MRRF: variants seen among roughly 807,000 people sequenced by gnomAD.
MRRF encodes the protein ribosome-recycling factor, mitochondrial.
In MRRF, 18 loss-of-function variants were observed where a neutral mutation model predicts 25.1. That is an observed-to-expected ratio of 0.72 (90% confidence interval 0.50 to 1.06). The LOEUF is 1.06. Among genes scored for constraint, MRRF ranks in the 50% least tolerant of loss-of-function variants. MRRF has a pLI of 0.00. For synonymous variants in MRRF, 113 were observed against 112.1 expected, an observed-to-expected ratio of 1.01 and a Z score of -0.05; for missense variants, 323 against 319.3, an observed-to-expected ratio of 1.01 and a Z score of -0.09.
At chr9:122,283,046 A>G (rs1347299229) in intron 3 of MRRF, among the ~76,000 whole-genome samples, 1 of 151,962 alleles carries the variant, frequency 6.6e-6, no homozygotes, top group Non-Finnish European at 1.5e-5. Flanking sequence ...CTTTTCCTAC[A>G]TTCTGTCATT....
chr9:122,287,868 A>C (rs1564486925), intron 4 of MRRF, among the ~76,000 whole-genome samples: 1 of 152,190 alleles, frequency 6.6e-6, no homozygotes. Flanking sequence ...TATATTAAAC[A>C]AATAGCTCTA....
intron 6 of MRRF, among the ~76,000 whole-genome samples, chr9:122,314,825 A>G (rs1835414438): frequency 6.6e-6 from 1 of 152,198 alleles, no homozygotes; most frequent in East Asian, 1.9e-4. Context: ...ACCTGTGGAA[A>G]GATGTGGAGA....
At chr9:122,277,750 C>T (rs1401605484) in intron 2 of MRRF, among the ~76,000 whole-genome samples, 2 of 152,134 alleles carry the variant, frequency 1.3e-5, no homozygotes, top group African/African-American at 2.4e-5. Context: ...TGGTGTTTTG[C>T]CTTGTTGGCT....
In MRRF at chr9:122,326,890, C is replaced by T. The variant is rs1020989151; in HGVS notation, c.*4273C>T. The T allele has an allele frequency of 6.6e-6, 1 of 152,198 alleles. No homozygotes were observed. Among genetic ancestry groups the T allele is most frequent in the African/African-American group, 2.4e-5 (1 of 41,454 alleles). The allele number at this position is 152,198 out of a possible 1,614,324, so 9.4% of individuals were successfully genotyped here. On this transcript the variant is annotated 3_prime_UTR_variant, in exon 7 of 7. Coordinates refer to ENST00000344641, the MANE Select transcript of MRRF (RefSeq NM_138777.5). ...AAAGGATATTTAACTTGCCCAAGGT[C>T]ACACAGGTAGTAAGTGCTAGAATGA...
At chr9:122,307,633 T>C (rs1205458121) in intron 5 of MRRF, among the ~76,000 whole-genome samples, 1 of 152,204 alleles carries the variant, frequency 6.6e-6, no homozygotes, top group Non-Finnish European at 1.5e-5. Flanking sequence ...CATTATTTCA[T>C]TTAATCCTCC....
intron 1 of MRRF, chr9:122,265,455 T>C: frequency 9.3e-6 from 3 of 321,488 alleles, no homozygotes; most frequent in Non-Finnish European, 1.8e-5. Flanking sequence ...TCATTTACGT[T>C]TTACAGATGA....
chr9:122,296,315 G>A (rs1448352252), intron 5 of MRRF, among the ~76,000 whole-genome samples: 1 of 152,084 alleles, frequency 6.6e-6, no homozygotes, highest in Admixed American at 6.5e-5. Context: ...TCCTGTTAAT[G>A]GAGATATACT....
rs780827149 is a variant in MRRF, at chr9:122,313,336, A to G, written c.661A>G (p.Lys221Glu). 1 of 1,614,194 alleles carries G rather than the reference A, an allele frequency of 6.2e-7. No individual in the cohort carries two copies. The highest frequency in any genetic ancestry group is 8.5e-7 in the Non-Finnish European group (1 of 1,179,982). ...CACCAACTCAATGAACAAGCTGAAGAAATCCAAGGATACAGTCTCAGAGGA... is the reference window on the plus strand; with the variant it reads ...CACCAACTCAATGAACAAGCTGAAGGAATCCAAGGATACAGTCTCAGAGGA... ...VRTNSMNKLK[K>E]SKDTVSEDTI... Residue 221 changes from lysine to glutamate, a missense_variant, in exon 6 of 7, where the codon AAA (lysine) becomes GAA (glutamate). Lys to Glu is a moderately conservative substitution (Grantham distance 56). Coordinates refer to ENST00000344641, the MANE Select transcript of MRRF (RefSeq NM_138777.5).
In MRRF at chr9:122,304,663, T is replaced by C. The variant is rs867718032; in HGVS notation, c.552-8564T>C. On this transcript the variant is annotated intron_variant, in intron 5 of 6. Coordinates refer to ENST00000344641, the MANE Select transcript of MRRF (RefSeq NM_138777.5). ...AGATCAGATCACTATTCCATTGCAT[T>C]CCTCCATAAATTCCCTCTCTTCTTT... Among the ~76,000 whole-genome samples the C allele has an allele frequency of 3.9e-5, 6 of 152,196 alleles. No homozygotes were observed. In the South Asian group the frequency reaches 1.0e-3, roughly 26 times the overall value.
chr9:122,308,699 CAAAAAAAAA>C (rs776774424), intron 5 of MRRF, among the ~76,000 whole-genome samples: 1 of 60,106 alleles, frequency 1.7e-5, no homozygotes, highest in Non-Finnish European at 3.3e-5. Flanking sequence ...ACTCCATCTC[CAAAAAAAAA>C]AAAAAAAAAA....
intron 6 of MRRF, among the ~76,000 whole-genome samples, chr9:122,313,600 G>C (rs1263004132): frequency 6.6e-6 from 1 of 152,170 alleles, no homozygotes; most frequent in Non-Finnish European, 1.5e-5. Context: ...CAGGTTTTGT[G>C]CTGAACACTT....
rs1398453495 is a variant in MRRF, at chr9:122,328,867, A to G, written c.*6250A>G. The G allele has an allele frequency of 6.6e-6, 1 of 151,000 alleles. No individual in the cohort carries two copies. Among genetic ancestry groups the G allele is most frequent in the African/African-American group, 2.4e-5 (1 of 41,054 alleles). The allele number at this position is 151,000 out of a possible 1,614,324, so 9.4% of individuals were successfully genotyped here. A position where few individuals can be genotyped will look rare whatever the true frequency, so the allele number is the denominator to read the frequency against. On this transcript the variant is annotated 3_prime_UTR_variant, in exon 7 of 7. Transcript: ENST00000344641. The stretch of plus-strand genomic sequence containing the variant: ...TCTCTCTCTCTCTCTTTTTTTTTTA[A>G]TAAGAGATGAGGGGTCTCCCTATGT...
chr9:122,267,038 C>T (rs1276249834), intron 1 of MRRF, among the ~76,000 whole-genome samples: 2 of 150,684 alleles, frequency 1.3e-5, no homozygotes, highest in Non-Finnish European at 3.0e-5. Context: ...CCACTGCACT[C>T]CAGCCTGGGC....
In MRRF at chr9:122,322,413, G is replaced by A. The variant is rs145345814; in HGVS notation, c.712-127G>A. 54 of 825,806 alleles carry A rather than the reference G, an allele frequency of 6.5e-5. No individual in the cohort carries two copies. In the Admixed American group the frequency reaches 9.6e-4, roughly 15 times the overall value. 51.2% of individuals were successfully genotyped at this position (825,806 alleles called of 1,614,324 possible). On this transcript the variant is annotated intron_variant, in intron 6 of 6. Transcript: ENST00000344641. ...AAAGTTCTTAGTACAGTGCCTGACT[G>A]GTACTTAATGTGAACTTTTGTCACT...
In MRRF at chr9:122,289,227, C is replaced by G. The variant is rs182183888; in HGVS notation, c.460-2522C>G. ...TTTAAGTATAAAATAAGATTTTGAG[C>G]CATTTATACATGAGGTAAAGGAAGT... On this transcript the variant is annotated intron_variant, in intron 4 of 6. Coordinates refer to ENST00000344641, the MANE Select transcript of MRRF (RefSeq NM_138777.5). Among the ~76,000 whole-genome samples, 19 of 152,250 alleles carry G rather than the reference C, an allele frequency of 1.2e-4. No homozygotes were observed. In the East Asian group the frequency reaches 3.7e-3, roughly 29 times the overall value.
chr9:122,302,736 T>C (rs1834554063), intron 5 of MRRF, among the ~76,000 whole-genome samples: 1 of 152,224 alleles, frequency 6.6e-6, no homozygotes, highest in South Asian at 2.1e-4. Context: ...GAGTGGTTTA[T>C]GACCAGTTAA....
In MRRF at chr9:122,294,795, T is replaced by C. The variant is rs572205648; in HGVS notation, c.551+2955T>C. ...GTTAGTGCATAATGATAAGCAGAGATGTGGTGAGATTAATAGAGAAAATAA... is the reference window on the plus strand; with the variant it reads ...GTTAGTGCATAATGATAAGCAGAGACGTGGTGAGATTAATAGAGAAAATAA... On this transcript the variant is annotated intron_variant, in intron 5 of 6. Coordinates refer to ENST00000344641, the MANE Select transcript of MRRF (RefSeq NM_138777.5). Among the ~76,000 whole-genome samples the C allele has an allele frequency of 5.3e-5, 8 of 152,288 alleles. No homozygotes were observed. The South Asian group carries it at 1.0e-3, about 20-fold the overall frequency.
chr9:122,326,806 T>C lies in MRRF; in HGVS notation c.*4189T>C, dbSNP rs1231224256. On this transcript the variant is annotated 3_prime_UTR_variant, in exon 7 of 7. Transcript: ENST00000344641. ...TTCCCACATTGAAACTTCTGATGAATCCTTGTTAATGTAGGTGTTATGATT... is the reference window on the plus strand; with the variant it reads ...TTCCCACATTGAAACTTCTGATGAACCCTTGTTAATGTAGGTGTTATGATT... 2.2e-4 allele frequency: 33 copies of C among 152,176 alleles called. 1 individual carries two copies. Among genetic ancestry groups the C allele is most frequent in the Non-Finnish European group, 5.9e-5 (4 of 68,032 alleles). 9.4% of individuals were successfully genotyped at this position (152,176 alleles called of 1,614,324 possible). A position where few individuals can be genotyped will look rare whatever the true frequency, so the allele number is the denominator to read the frequency against.
At chr9:122,269,816 G>A (rs1327914306) in intron 1 of MRRF, among the ~76,000 whole-genome samples, 1 of 152,144 alleles carries the variant, frequency 6.6e-6, no homozygotes, top group African/African-American at 2.4e-5. Context: ...CCTGCTGTTT[G>A]CTAAGTACTG....
Sources: allele counts gnomAD v4.1 joint callset (sites outside exome capture counted in the v4.1 genomes callset), GRCh38; gene constraint gnomAD v4.1.1; transcripts MANE v1.5; gene names NCBI Gene and HGNC (gene_info 2026-07-23, HGNC 2026-07-21).